The following TULP4 variants were observed in gnomAD, a reference collection of about 807,000 sequenced individuals.
The protein encoded by TULP4 is TUB like protein 4.
Under a neutral mutation model 129.0 loss-of-function variants are expected in TULP4, and 16 were observed. The observed-to-expected ratio is 0.12, with a 90% confidence interval of 0.08 to 0.19. The LOEUF (loss-of-function observed/expected upper bound fraction) is 0.19. Among genes scored for constraint, TULP4 ranks in the 10% least tolerant of loss-of-function variants. TULP4 has a pLI of 1.00. For missense variants in TULP4, 1,842 were observed against 2,059.1 expected (o/e 0.89, Z 2.04); for synonymous variants, 998 against 854.0 (o/e 1.17, Z -2.94).
intron 1 of TULP4, among the ~76,000 whole-genome samples, chr6:158,316,380 AT>A (rs757566767): frequency 2.3e-4 from 35 of 152,224 alleles, no homozygotes; most frequent in Non-Finnish European, 4.9e-4. Context: ...TCATTAATGT[AT>A]GAAAGTTTTA....
At chr6:158,469,049 C>T (rs590841) in intron 6 of TULP4, among the ~76,000 whole-genome samples, 63,542 of 151,984 alleles carry the variant, frequency 0.42, 14,585 homozygotes, top group African/African-American at 0.62. Flanking sequence ...CTTCATTTGG[C>T]CTTTTGTTTT....
chr6:158,503,643 C>A lies in TULP4; in HGVS notation c.3980C>A (p.Pro1327His), dbSNP rs778804330. The A allele has an allele frequency of 9.3e-6, 15 of 1,613,942 alleles. No individual in the cohort carries two copies. The highest frequency in any genetic ancestry group is 1.3e-5 in the Non-Finnish European group (15 of 1,180,034). The change falls in exon 13 of 14, where the codon CCC becomes CAC. Residue 1327 changes from proline (P) to histidine (H), a missense_variant. Pro to His is a moderately conservative substitution (Grantham distance 77). Transcript: ENST00000367097. The surrounding 1 kb of genome is among the most constrained non-coding windows in gnomAD (Gnocchi z 4.3). Reference sequence around the variant, plus strand: ...CTCTCCCTGACCGAAAGCCCAGTCCCCCAGCGGACAGAAAAATTTGGAAAG... The same window carrying A: ...CTCTCCCTGACCGAAAGCCCAGTCCACCAGCGGACAGAAAAATTTGGAAAG... ...EVLSLTESPV[P>H]QRTEKFGKKN...
intron 5 of TULP4, among the ~76,000 whole-genome samples, chr6:158,452,826 T>A (rs62438579): frequency 0.19 from 28,968 of 152,212 alleles, 3,070 homozygotes; most frequent in Middle Eastern, 0.26. Flanking sequence ...AGTGTTGTTA[T>A]CTCAAAAGAA....
At chr6:158,354,086 C>T (rs538354577) in intron 1 of TULP4, among the ~76,000 whole-genome samples, 7 of 151,954 alleles carry the variant, frequency 4.6e-5, no homozygotes, top group Admixed American at 6.5e-5. Context: ...TAGCTGGCAC[C>T]GTTTCCTGAG....
intron 1 of TULP4, among the ~76,000 whole-genome samples, chr6:158,248,845 C>T (rs1778082512): frequency 6.6e-6 from 1 of 152,044 alleles, no homozygotes; most frequent in Admixed American, 6.6e-5. Flanking sequence ...GTTGCTCAGG[C>T]GTGGTGGCTC....
intron 1 of TULP4, among the ~76,000 whole-genome samples, chr6:158,325,146 A>G (rs1779717869): frequency 6.6e-6 from 1 of 152,238 alleles, no homozygotes; most frequent in African/African-American, 2.4e-5. Context: ...ATGTGAGTGT[A>G]AAAATTACCA....
At chr6:158,453,884 C>T (rs1320723202) in intron 5 of TULP4, among the ~76,000 whole-genome samples, 2 of 151,182 alleles carry the variant, frequency 1.3e-5, no homozygotes, top group Non-Finnish European at 2.9e-5. Context: ...ACCTGGGAGG[C>T]GGAGGTTGCA....
chr6:158,444,753 A>G (rs1283419321), intron 3 of TULP4, among the ~76,000 whole-genome samples: 2 of 152,216 alleles, frequency 1.3e-5, no homozygotes, highest in African/African-American at 2.4e-5. Context: ...ACCTAAAAAT[A>G]GTTTAGAATG....
chr6:158,322,734 G>T (rs1212653756), intron 1 of TULP4, among the ~76,000 whole-genome samples: 1 of 152,094 alleles, frequency 6.6e-6, no homozygotes. Flanking sequence ...TGTGTGCCAG[G>T]TGCTGCGTGT....
chr6:158,322,156 G>A (rs1539312), intron 1 of TULP4, among the ~76,000 whole-genome samples: 81,140 of 152,040 alleles, frequency 0.53, 21,862 homozygotes, highest in African/African-American at 0.61. Flanking sequence ...AACAGTTTTA[G>A]TGGGAAAAGT....
chr6:158,416,958 C>T (rs569083021), intron 2 of TULP4, among the ~76,000 whole-genome samples: 1 of 152,176 alleles, frequency 6.6e-6, no homozygotes, highest in Non-Finnish European at 1.5e-5. Context: ...AGGTCTGTAG[C>T]CTAGGAGTAG....
At chr6:158,451,358 A>T (rs1779159180) in intron 4 of TULP4, among the ~76,000 whole-genome samples, 1 of 152,208 alleles carries the variant, frequency 6.6e-6, no homozygotes, top group Non-Finnish European at 1.5e-5. Context: ...TCCTCTGCAG[A>T]CAACTGGCAG....
At chr6:158,328,366 C>T (rs1259006753) in intron 1 of TULP4, among the ~76,000 whole-genome samples, 1 of 152,030 alleles carries the variant, frequency 6.6e-6, no homozygotes, top group Admixed American at 6.6e-5. Context: ...TAAGGCATCT[C>T]TGCTAATTGA....
At chr6:158,353,858 A>G (rs954602238) in intron 1 of TULP4, among the ~76,000 whole-genome samples, 13 of 152,262 alleles carry the variant, frequency 8.5e-5, no homozygotes, top group African/African-American at 3.1e-4. Flanking sequence ...ATAGACTTAG[A>G]TTTTATTGAT....
chr6:158,505,413 T>C (rs1260733564), intron 13 of TULP4, among the ~76,000 whole-genome samples: 2 of 152,224 alleles, frequency 1.3e-5, no homozygotes, highest in East Asian at 3.8e-4. Flanking sequence ...ACAGCCACGC[T>C]CATTCACCTG....
intron 3 of TULP4, among the ~76,000 whole-genome samples, chr6:158,439,905 G>A (rs923207164): frequency 6.6e-6 from 1 of 151,270 alleles, no homozygotes; most frequent in Non-Finnish European, 1.5e-5. Flanking sequence ...TAGAGGCGGG[G>A]TTTCACTGTG....
At chr6:158,370,842 A>G (rs1367903889) in intron 1 of TULP4, among the ~76,000 whole-genome samples, 1 of 152,230 alleles carries the variant, frequency 6.6e-6, no homozygotes, top group African/African-American at 2.4e-5. Context: ...TAGCTCTGAC[A>G]TTAGGCAGTT....
At chr6:158,354,751 A>G (rs1038900434) in intron 1 of TULP4, among the ~76,000 whole-genome samples, 1 of 151,904 alleles carries the variant, frequency 6.6e-6, no homozygotes, top group African/African-American at 2.4e-5. Context: ...GGCTGGGTAC[A>G]GTGGTGCACA....
In TULP4 at chr6:158,413,271, G is replaced by A. The variant is rs529059388; in HGVS notation, c.381+78G>A. 3.8e-5 allele frequency: 57 copies of A among 1,501,388 alleles called. No individual in the cohort carries two copies. The highest frequency in any genetic ancestry group is 4.2e-5 in the Non-Finnish European group (47 of 1,113,652). The allele number at this position is 1,501,388 out of a possible 1,614,324, so 93.0% of individuals were successfully genotyped here. A position where few individuals can be genotyped will look rare whatever the true frequency, so the allele number is the denominator to read the frequency against. On this transcript the variant is annotated intron_variant, in intron 2 of 13. Coordinates refer to ENST00000367097, the MANE Select transcript of TULP4 (RefSeq NM_020245.5). The surrounding 1 kb of genome is among the most constrained non-coding windows in gnomAD (Gnocchi z 4.9). ...CAGACAGGCATTCCGGAGCCAGTGC[G>A]TTAGCACCACACAGCGCCACGTGCT...
Sources: allele counts gnomAD v4.1 joint callset (sites outside exome capture counted in the v4.1 genomes callset), GRCh38; gene constraint gnomAD v4.1.1; non-coding constraint Gnocchi (gnomAD v3.1); transcripts MANE v1.5; gene names NCBI Gene and HGNC (gene_info 2026-07-23, HGNC 2026-07-21).